Variants in EXTL3 observed in about 807,000 individuals in gnomAD.
The protein encoded by EXTL3 is exostosin-like 3.
Under a neutral mutation model 69.3 loss-of-function variants are expected in EXTL3, and 27 were observed. The ratio of observed to expected loss-of-function variants is 0.39; its 90% CI spans 0.29 to 0.54. EXTL3 has a LOEUF of 0.54. EXTL3 is among the 20% of genes least tolerant of loss of function. The pLI is 0.69. For synonymous variants in EXTL3, 511 were observed against 499.4 expected, an observed-to-expected ratio of 1.02 and a Z score of -0.31; for missense variants, 1,003 against 1,231.8, an observed-to-expected ratio of 0.81 and a Z score of 2.78.
chr8:28,637,487 A>T (rs1189160197), intron 1 of EXTL3: 2 of 152,214 alleles, frequency 1.3e-5, no homozygotes, highest in East Asian at 3.8e-4. Flanking sequence ...TCCTTTGATT[A>T]GGGCCAACCT....
At chr8:28,638,827 C>T (rs1806697190) in intron 1 of EXTL3, among the ~76,000 whole-genome samples, 1 of 152,008 alleles carries the variant, frequency 6.6e-6, no homozygotes, top group South Asian at 2.1e-4. Flanking sequence ...GACGGGGTCT[C>T]ACTATGTTTG....
intron 1 of EXTL3, among the ~76,000 whole-genome samples, chr8:28,679,327 T>G (rs1448317152): frequency 6.6e-6 from 1 of 152,098 alleles, no homozygotes; most frequent in African/African-American, 2.4e-5. Context: ...GTGCCTGTAG[T>G]CCCAGCTACT....
chr8:28,707,345 C>G lies in EXTL3; in HGVS notation c.-570+5686C>G, dbSNP rs937696411. Reference sequence around the variant, plus strand: ...CCTTGGTGATACACCACTGCTTCATCGGTGAAGTGGAAATGACAGTACTCC... The same window carrying G: ...CCTTGGTGATACACCACTGCTTCATGGGTGAAGTGGAAATGACAGTACTCC... On this transcript the variant is annotated intron_variant, in intron 1 of 6. Coordinates refer to ENST00000220562, the MANE Select transcript of EXTL3 (RefSeq NM_001440.4). Among the ~76,000 whole-genome samples the G allele has an allele frequency of 5.9e-5, 9 of 152,168 alleles. No individual in the cohort carries two copies. In the East Asian group the frequency reaches 1.7e-3, roughly 29 times the overall value.
At chr8:28,725,245 C>G (rs1017150609) in intron 3 of EXTL3, among the ~76,000 whole-genome samples, 1 of 152,070 alleles carries the variant, frequency 6.6e-6, no homozygotes, top group Non-Finnish European at 1.5e-5. Context: ...TTCCAGGCCA[C>G]GATTGCTGTC....
chr8:28,679,606 C>A (rs776950853), intron 1 of EXTL3, among the ~76,000 whole-genome samples: 4 of 152,104 alleles, frequency 2.6e-5, no homozygotes, highest in Admixed American at 1.3e-4. Flanking sequence ...TGTCGTGAGG[C>A]ACTCATGTAG....
intron 1 of EXTL3, among the ~76,000 whole-genome samples, chr8:28,629,391 T>C (rs986175277): frequency 6.6e-6 from 1 of 152,092 alleles, no homozygotes; most frequent in African/African-American, 2.4e-5. Context: ...GGTGGGAAAG[T>C]GGTGACGTTA....
chr8:28,701,617 A>AGGCGGCGGCGGC lies in EXTL3; in HGVS notation c.-600_-589dup, dbSNP rs537721750. On this transcript the variant is annotated 5_prime_UTR_variant, in exon 1 of 7. Coordinates refer to ENST00000220562, the MANE Select transcript of EXTL3 (RefSeq NM_001440.4). The stretch of plus-strand genomic sequence containing the variant: ...GCTTCTGGGACGCCGACTTTCGCGC[A>AGGCGGCGGCGGC]GGCGGCGGCGGCGGCGGCGGCGGGT... 0.019 allele frequency: 3,042 copies of AGGCGGCGGCGGC among 161,722 alleles called. 107 individuals carry two copies. The highest frequency in any genetic ancestry group is 0.069 in the African/African-American group (2,880 of 41,480). The allele number at this position is 161,722 out of a possible 1,614,324, so 10.0% of individuals were successfully genotyped here.
At chr8:28,692,741 C>T (rs1303480370) in intron 1 of EXTL3, among the ~76,000 whole-genome samples, 2 of 152,148 alleles carry the variant, frequency 1.3e-5, no homozygotes, top group Non-Finnish European at 2.9e-5. Context: ...TCACACAAGG[C>T]ATTTTTAAAT....
chr8:28,668,507 T>A (rs1232738321), intron 1 of EXTL3, among the ~76,000 whole-genome samples: 1 of 151,856 alleles, frequency 6.6e-6, no homozygotes. Flanking sequence ...TGGCTAATTT[T>A]TGTATTTTTA....
intron 2 of EXTL3, among the ~76,000 whole-genome samples, chr8:28,608,270 A>C (rs1341122649): frequency 6.6e-6 from 1 of 151,982 alleles, no homozygotes; most frequent in East Asian, 1.9e-4. Context: ...TATCCTGCTG[A>C]ACTCACCCAC....
At chr8:28,737,385 G>A in intron 4 of EXTL3, 134 bp from the exon 5 acceptor site, 1 of 952,250 alleles carries the variant, frequency 1.1e-6, no homozygotes, top group Non-Finnish European at 1.7e-6. Flanking sequence ...TGTTGATTTT[G>A]TTTTATTTTG....
At chr8:28,693,739 G>A (rs1164114926) in intron 1 of EXTL3, among the ~76,000 whole-genome samples, 1 of 152,152 alleles carries the variant, frequency 6.6e-6, no homozygotes, top group Admixed American at 6.6e-5. Flanking sequence ...CATTTATCAG[G>A]GTAATGAGTG....
upstream of EXTL3, among the ~76,000 whole-genome samples, chr8:28,699,262 A>G (rs1484049635): frequency 6.6e-6 from 1 of 152,214 alleles, no homozygotes; most frequent in Non-Finnish European, 1.5e-5. Context: ...GCTCTGCTGT[A>G]AAGGACCAGC....
At position 28,717,311 on chromosome 8, in the gene EXTL3, C is replaced by G; in HGVS notation, c.1252C>G (p.Arg418Gly). 6.2e-7 allele frequency: 1 copy of G among 1,614,238 alleles called. No homozygotes were observed. The highest frequency in any genetic ancestry group is 8.5e-7 in the Non-Finnish European group (1 of 1,180,048). The change falls in exon 3 of 7, where the codon CGG (arginine) becomes GGG (glycine). Residue 418 changes from arginine (R) to glycine (G), a missense_variant. Arg to Gly is a moderately radical substitution (Grantham distance 125). Coordinates refer to ENST00000220562, the MANE Select transcript of EXTL3 (RefSeq NM_001440.4). The surrounding 1 kb of genome is among the most constrained non-coding windows in gnomAD (Gnocchi z 8.3). ...LPTEWALCGE[R>G]EDRLELLKLS... ...GACTGAGTGGGCACTGTGTGGAGAG[C>G]GGGAGGACCGCTTGGAATTGCTGAA...
At chr8:28,718,740 G>C (rs1020231391) in intron 3 of EXTL3, among the ~76,000 whole-genome samples, 1 of 152,200 alleles carries the variant, frequency 6.6e-6, no homozygotes, top group East Asian at 1.9e-4. Flanking sequence ...AGGAAGGCCT[G>C]TGTCATTTTC....
At chr8:28,747,474 A>G (rs926694619) in intron 6 of EXTL3, among the ~76,000 whole-genome samples, 3 of 152,206 alleles carry the variant, frequency 2.0e-5, no homozygotes, top group Admixed American at 6.5e-5. Context: ...GCTGTACACA[A>G]TGATTACTCT....
rs771738641 is a variant in EXTL3 at position 28,717,914 on chromosome 8, T to G, written c.1855T>G (p.Phe619Val). The G allele has an allele frequency of 1.1e-4, 185 of 1,614,084 alleles. No homozygotes were observed. The highest frequency in any genetic ancestry group is 1.5e-4 in the Non-Finnish European group (177 of 1,180,042). The part of the protein sequence containing the change: ...GPFHLFPHTP[F>V]DPVLPSEAKF... Reference sequence around the variant, plus strand: ...TTTCCATCTTTTCCCCCACACTCCCTTTGACCCTGTGTTGCCCTCAGAGGC... The same window carrying G: ...TTTCCATCTTTTCCCCCACACTCCCGTTGACCCTGTGTTGCCCTCAGAGGC... Residue 619 changes from phenylalanine (F) to valine (V), a missense_variant, in exon 3 of 7, where the codon TTT becomes GTT. Coordinates refer to ENST00000220562, the MANE Select transcript of EXTL3 (RefSeq NM_001440.4). The surrounding 1 kb of genome is among the most constrained non-coding windows in gnomAD (Gnocchi z 8.3).
At chr8:28,742,991 A>C (rs919611569) in intron 5 of EXTL3, 95 bp from the exon 6 acceptor site, 2 of 1,404,650 alleles carry the variant, frequency 1.4e-6, no homozygotes, top group African/African-American at 2.8e-5. Context: ...TTACTGCCAC[A>C]CCCAAACAGC....
chr8:28,676,309 G>A (rs572446770), intron 1 of EXTL3, among the ~76,000 whole-genome samples: 153 of 152,172 alleles, frequency 1.0e-3, no homozygotes, highest in Middle Eastern at 3.2e-3. Flanking sequence ...GAAGAGCTCT[G>A]TGATTGCTCT....
Sources: gnomAD v4.1 joint callset for allele counts (sites outside exome capture counted in the v4.1 genomes callset) on GRCh38, gnomAD v4.1.1 for gene constraint, Gnocchi (gnomAD v3.1) non-coding constraint, MANE v1.5 for transcripts, NCBI Gene and HGNC (gene_info 2026-07-23, HGNC 2026-07-21) for gene names.